The following SSBP3 variants were observed in gnomAD, a reference collection of about 807,000 sequenced individuals.
SSBP3 encodes the protein single stranded DNA binding protein 3.
A neutral mutation model predicts 69.6 loss-of-function variants in SSBP3; 5 were observed. That is an observed-to-expected ratio of 0.07 (90% CI 0.04 to 0.15). The LOEUF (loss-of-function observed/expected upper bound fraction) is 0.15. Ranked by LOEUF, SSBP3 falls within the 10% of genes least tolerant of loss-of-function variation. The pLI is 1.00. For synonymous variants in SSBP3, 196 were observed against 193.4 expected, an observed-to-expected ratio of 1.01 and a Z score of -0.11; for missense variants, 312 against 534.0, an observed-to-expected ratio of 0.58 and a Z score of 4.10.
chr1:54,396,723 T>C (rs1353732781), intron 4 of SSBP3, among the ~76,000 whole-genome samples: 1 of 152,206 alleles, frequency 6.6e-6, no homozygotes, highest in East Asian at 1.9e-4. Context: ...GATGGCATTA[T>C]GCGAAAGACT....
chr1:54,246,369 G>A lies in SSBP3; in HGVS notation c.652-3070C>T, dbSNP rs75895005. On this transcript the variant is annotated intron_variant, in intron 9 of 17. Transcript: ENST00000610401. ...CACCTCCCCAGGCCTATTCTCCACT[G>A]TGTGTACAGCCCAGCTGACTAGAGA... is the stretch of plus-strand genomic sequence containing the variant. Among the ~76,000 whole-genome samples, 1,182 of 152,330 alleles carry A rather than the reference G, an allele frequency of 7.8e-3. 16 individuals carry two copies. Among genetic ancestry groups the A allele is most frequent in the African/African-American group, 0.027 (1,108 of 41,570 alleles).
intron 4 of SSBP3, among the ~76,000 whole-genome samples, chr1:54,399,367 C>A (rs1028744840): frequency 3.9e-5 from 6 of 152,214 alleles, no homozygotes; most frequent in African/African-American, 1.4e-4. Flanking sequence ...CACTTCCCAG[C>A]TGGGAATTAA....
intron 4 of SSBP3, among the ~76,000 whole-genome samples, chr1:54,289,302 CAT>C (rs1491031413): frequency 9.4e-5 from 14 of 149,200 alleles, no homozygotes; most frequent in South Asian, 2.1e-4. Context: ...TCTGCACACA[CAT>C]GTGTGTCAAG....
chr1:54,351,624 T>C (rs976663646), intron 4 of SSBP3, among the ~76,000 whole-genome samples: 5 of 152,200 alleles, frequency 3.3e-5, no homozygotes, highest in Non-Finnish European at 5.9e-5. Flanking sequence ...TTAACAACAA[T>C]CTTCCTTCAT....
At chr1:54,381,107 G>A (rs1237707137) in intron 4 of SSBP3, among the ~76,000 whole-genome samples, 1 of 151,962 alleles carries the variant, frequency 6.6e-6, no homozygotes, top group Admixed American at 6.6e-5. Context: ...GAGAGAGGCT[G>A]GAAGTGGTGA....
At chr1:54,385,695 A>T (rs1186169814) in intron 4 of SSBP3, among the ~76,000 whole-genome samples, 1 of 152,190 alleles carries the variant, frequency 6.6e-6, no homozygotes, top group Non-Finnish European at 1.5e-5. Context: ...TCAGCCTCTC[A>T]TTCTTTCATT....
chr1:54,341,181 T>G (rs1646600182), intron 4 of SSBP3, among the ~76,000 whole-genome samples: 1 of 152,216 alleles, frequency 6.6e-6, no homozygotes, highest in African/African-American at 2.4e-5. Flanking sequence ...CCTACTGTTG[T>G]GTGGTCTTGG....
chr1:54,257,148 G>A (rs1436198868), exon 7 of SSBP3: 1 of 1,602,654 alleles, frequency 6.2e-7, no homozygotes, highest in East Asian at 2.3e-5. Context: ...TTCTGATCGG[G>A]GGCCTGGGGC....
chr1:54,369,219 G>GGGA (rs1553146698), intron 4 of SSBP3, among the ~76,000 whole-genome samples: 2 of 53,122 alleles, frequency 3.8e-5, no homozygotes, highest in African/African-American at 3.0e-4. Flanking sequence ...CTCTTGAGTC[G>GGGA]GGGGGGGGGC....
chr1:54,251,332 C>T (rs1039621565), intron 9 of SSBP3, among the ~76,000 whole-genome samples: 2 of 152,206 alleles, frequency 1.3e-5, no homozygotes, highest in African/African-American at 2.4e-5. Flanking sequence ...TAGGCTACCG[C>T]ACCCCAAAAG....
exon 4 of SSBP3, chr1:54,401,868 T>C (rs1287923385): frequency 6.2e-7 from 1 of 1,613,400 alleles, no homozygotes; most frequent in Non-Finnish European, 8.5e-7. Flanking sequence ...CACATAATCA[T>C]GAAAGGCTTT....
At chr1:54,327,956 G>A (rs879566587) in intron 4 of SSBP3, among the ~76,000 whole-genome samples, 6 of 152,130 alleles carry the variant, frequency 3.9e-5, no homozygotes, top group South Asian at 2.1e-4. Context: ...ATATAGTTCC[G>A]TAAGCCAGCG....
chr1:54,316,673 T>TAAAAAAAAA (rs1557525489), intron 4 of SSBP3, among the ~76,000 whole-genome samples: 1 of 72,460 alleles, frequency 1.4e-5, no homozygotes, highest in Non-Finnish European at 2.5e-5. Flanking sequence ...AATAAATAAA[T>TAAAAAAAAA]AAATAAATAA....
chr1:54,375,155 G>A (rs1411467015), intron 4 of SSBP3, among the ~76,000 whole-genome samples: 1 of 152,200 alleles, frequency 6.6e-6, no homozygotes, highest in Non-Finnish European at 1.5e-5. Flanking sequence ...TGTTGGGCAG[G>A]ACCCCGTGGT....
intron 4 of SSBP3, among the ~76,000 whole-genome samples, chr1:54,346,967 C>T (rs375618157): frequency 2.6e-5 from 4 of 152,166 alleles, no homozygotes; most frequent in African/African-American, 9.6e-5. Flanking sequence ...CACACATCCT[C>T]CCATATACAT....
chr1:54,265,940 G>A (rs1435460551), intron 5 of SSBP3, among the ~76,000 whole-genome samples: 1 of 152,264 alleles, frequency 6.6e-6, no homozygotes, highest in Non-Finnish European at 1.5e-5. Flanking sequence ...GGCGTGAACA[G>A]GGGGCGCTCA....
chr1:54,239,795 C>T (rs1195461796), intron 13 of SSBP3, among the ~76,000 whole-genome samples: 1 of 152,208 alleles, frequency 6.6e-6, no homozygotes, highest in Admixed American at 6.5e-5. Flanking sequence ...CCAGCTCCAC[C>T]CCTGCAGCTG....
At chr1:54,358,226 C>T (rs1309930374) in intron 4 of SSBP3, among the ~76,000 whole-genome samples, 2 of 152,232 alleles carry the variant, frequency 1.3e-5, no homozygotes, top group Non-Finnish European at 2.9e-5. Flanking sequence ...CCTGCCTAAC[C>T]TCAAGGAGTA....
intron 5 of SSBP3, among the ~76,000 whole-genome samples, chr1:54,261,703 T>TCC (rs940087077): frequency 6.6e-6 from 1 of 152,146 alleles, no homozygotes; most frequent in Non-Finnish European, 1.5e-5. Context: ...TTAGAACATC[T>TCC]CCCTCCATGA....
Sources: allele counts gnomAD v4.1 joint callset (sites outside exome capture counted in the v4.1 genomes callset), GRCh38; gene constraint gnomAD v4.1.1; transcripts MANE v1.5; gene names NCBI Gene and HGNC (gene_info 2026-07-23, HGNC 2026-07-21).